Variants in DLG5 observed in about 807,000 individuals in gnomAD.
DLG5 encodes discs large MAGUK scaffold protein 5, also known as disks large homolog 5.
DLG5 carries 48 observed loss-of-function variants against 189.8 expected under a neutral mutation model. The ratio of observed to expected loss-of-function variants is 0.25; its 90% CI spans 0.20 to 0.32. DLG5 has a LOEUF of 0.32. Ranked by LOEUF, DLG5 falls within the 10% of genes least tolerant of loss-of-function variation. The pLI, the probability that DLG5 is intolerant of heterozygous loss-of-function variation, is 1.00. For synonymous variants in DLG5, 1,016 were observed against 1,054.1 expected, an observed-to-expected ratio of 0.96 and a Z score of 0.70; for missense variants, 2,160 against 2,544.7, an observed-to-expected ratio of 0.85 and a Z score of 3.25.
intron 1 of DLG5, among the ~76,000 whole-genome samples, chr10:77,893,065 G>T (rs142605313): frequency 1.3e-5 from 2 of 152,220 alleles, no homozygotes; most frequent in African/African-American, 4.8e-5. Flanking sequence ...TGGCATTGGC[G>T]TGCTAGCCAT....
intron 1 of DLG5, among the ~76,000 whole-genome samples, chr10:77,916,904 AAT>A (rs55841913): frequency 0.041 from 5,316 of 129,072 alleles, 524 homozygotes; most frequent in African/African-American, 0.15. Flanking sequence ...TAAAATATAG[AAT>A]ATATATATAT....
At position 77,791,343 on chromosome 10, in the gene DLG5, CAA is replaced by C. The variant is rs878924621; in HGVS notation, c.*1095_*1096del. On this transcript the variant is annotated 3_prime_UTR_variant, in exon 32 of 32. Transcript: ENST00000372391. Reference sequence around the variant, plus strand: ...CCAGACATATCTAGCCTCAGAAGTGCAAAAAAAAAAAAAGCCCCCAAACGAAG... The same window carrying C: ...CCAGACATATCTAGCCTCAGAAGTGCAAAAAAAAAAAGCCCCCAAACGAAG... The C allele has an allele frequency of 1.9e-4, 23 of 122,854 alleles. No homozygotes were observed. Among genetic ancestry groups the C allele is most frequent in the Non-Finnish European group, 1.8e-4 (10 of 56,990 alleles). The allele number at this position is 122,854 out of a possible 1,614,324, so 7.6% of individuals were successfully genotyped here. A position where few individuals can be genotyped will look rare whatever the true frequency, so the allele number is the denominator to read the frequency against.
At chr10:77,820,942 A>C (rs1469479860) in intron 15 of DLG5, 140 bp downstream of exon 15, 2 of 1,178,854 alleles carry the variant, frequency 1.7e-6, no homozygotes, top group Non-Finnish European at 2.3e-6. Flanking sequence ...GCCACTTCCC[A>C]CTTGAGTCCA....
rs374532116 is a variant in DLG5, at chr10:77,817,570, G to A, written c.3784+207C>T. ...TGACCATAAGGCCCCCACAGAAAGC[G>A]GAAGGCGAAAGCAATGGCTCTGACA... On this transcript the variant is annotated intron_variant, in intron 18 of 31. Coordinates refer to ENST00000372391, the MANE Select transcript of DLG5 (RefSeq NM_004747.4). Among the ~76,000 whole-genome samples, 157 of 152,350 alleles carry A rather than the reference G, an allele frequency of 1.0e-3. 1 individual carries two copies. The highest frequency in any genetic ancestry group is 3.3e-3 in the African/African-American group (136 of 41,586).
At chr10:77,838,819 C>G (rs1041716723) in intron 7 of DLG5, among the ~76,000 whole-genome samples, 1 of 152,226 alleles carries the variant, frequency 6.6e-6, no homozygotes, top group Non-Finnish European at 1.5e-5. Context: ...CTGCCCACCC[C>G]TCCTGGTCTG....
chr10:77,909,468 G>A (rs1055960625), intron 1 of DLG5, among the ~76,000 whole-genome samples: 3 of 151,864 alleles, frequency 2.0e-5, no homozygotes, highest in Admixed American at 2.0e-4. Flanking sequence ...ACAAGCCTGC[G>A]TGTTCTGCAC....
At chr10:77,826,406 G>A (rs1004561328) in intron 13 of DLG5, among the ~76,000 whole-genome samples, 4 of 151,926 alleles carry the variant, frequency 2.6e-5, no homozygotes, top group Admixed American at 1.3e-4. Flanking sequence ...AGGGCAGATC[G>A]TTTGAGGTCA....
At chr10:77,803,220 C>T (rs1841304883) in intron 27 of DLG5, among the ~76,000 whole-genome samples, 1 of 152,100 alleles carries the variant, frequency 6.6e-6, no homozygotes, top group African/African-American at 2.4e-5. Flanking sequence ...AGAAAACAAA[C>T]AGTAAGATGG....
Position 77,796,021 on chromosome 10 carries a change from A to G in DLG5, c.5436+40T>C. Reference sequence around the variant, plus strand: ...GCCTAGACCTGTGCACAGGAGGTCTAATACTGGATGCCTAATCCTCAGACT... The same window carrying G: ...GCCTAGACCTGTGCACAGGAGGTCTGATACTGGATGCCTAATCCTCAGACT... On this transcript the variant is annotated intron_variant, in intron 29 of 31. Transcript: ENST00000372391. This position sits in a 1 kb window ranked among gnomAD's most constrained non-coding sequence, Gnocchi z 5.2. The G allele has an allele frequency of 6.2e-7, 1 of 1,613,928 alleles. No individual in the cohort carries two copies. The highest frequency in any genetic ancestry group is 1.7e-4 in the Middle Eastern group (1 of 5,902).
rs1846679817 is a variant in DLG5, at chr10:77,926,046, C to T, written c.304+171G>A. 6.6e-6 allele frequency among the ~76,000 whole-genome samples: 1 copy of T among 152,070 alleles called. No individual in the cohort carries two copies. Among genetic ancestry groups the T allele is most frequent in the Non-Finnish European group, 1.5e-5 (1 of 67,982 alleles). Reference sequence around the variant, plus strand: ...CAGCGAACGGCGGGACTGGGGGAGGCGGCGGGACTTCGGGATCCGCGCACC... The same window carrying T: ...CAGCGAACGGCGGGACTGGGGGAGGTGGCGGGACTTCGGGATCCGCGCACC... On this transcript the variant is annotated intron_variant, in intron 1 of 31. Coordinates refer to ENST00000372391, the MANE Select transcript of DLG5 (RefSeq NM_004747.4). The surrounding 1 kb of genome is among the most constrained non-coding windows in gnomAD (Gnocchi z 5.2).
intron 9 of DLG5, 122 bp from the exon 10 acceptor site, chr10:77,830,995 G>A: frequency 1.6e-6 from 2 of 1,212,142 alleles, no homozygotes; most frequent in Non-Finnish European, 2.2e-6. Context: ...TTTCCCCCTT[G>A]TTTCCCAATA....
chr10:77,879,820 G>A (rs1444315272), intron 1 of DLG5, among the ~76,000 whole-genome samples: 1 of 151,666 alleles, frequency 6.6e-6, no homozygotes, highest in African/African-American at 2.4e-5. Context: ...GATGGGGGAG[G>A]GAGTTGGGGA....
Position 77,807,925 on chromosome 10 carries a change from C to T in DLG5, c.4667G>A (p.Arg1556Gln), listed in dbSNP as rs754760575. 2.2e-5 allele frequency: 35 copies of T among 1,614,078 alleles called. No individual in the cohort carries two copies. The highest frequency in any genetic ancestry group is 1.6e-4 in the Middle Eastern group (1 of 6,084). ...LILEYGSLDV[R>Q]NKTVEEVYVE... The stretch of plus-strand genomic sequence containing the variant: ...ATAGACTTCCTCCACTGTCTTGTTC[C>T]GCACGTCCAGGCTGCCATACTGCCA... Residue 1556 changes from arginine (R) to glutamine (Q), a missense_variant, in exon 25 of 32, where the codon CGG (arginine) becomes CAG (glutamine). By Grantham distance (43) the Arg-to-Gln change is conservative. Coordinates refer to ENST00000372391, the MANE Select transcript of DLG5 (RefSeq NM_004747.4).
At chr10:77,858,479 T>G (rs1464787394) in intron 2 of DLG5, among the ~76,000 whole-genome samples, 1 of 151,586 alleles carries the variant, frequency 6.6e-6, no homozygotes, top group African/African-American at 2.4e-5. Flanking sequence ...TAGCAAAAAA[T>G]ACCAAAAAAT....
the DLG5 span, among the ~76,000 whole-genome samples, chr10:77,933,373 G>A: frequency 6.6e-6 from 1 of 151,364 alleles, no homozygotes; most frequent in Non-Finnish European, 1.5e-5. Context: ...TGCAACCTCC[G>A]CCTCCTGGGT....
At position 77,805,682 on chromosome 10, in the gene DLG5, G is replaced by A. The variant is rs770028831; in HGVS notation, c.5147C>T (p.Ser1716Phe). 1.5e-5 allele frequency: 24 copies of A among 1,612,394 alleles called. No homozygotes were observed. The highest frequency in any genetic ancestry group is 2.5e-6 in the Non-Finnish European group (3 of 1,178,780). The part of the protein sequence containing the change: ...LLALDAFSSD[S>F]IPLFEDSVSL... ...CCACTTGCCTTCAAAGAGTGGAATG[G>A]AGTCACTGGAAAAGGCATCCAAGGC... The change falls in exon 27 of 32, where the codon TCC becomes TTC. Residue 1716 changes from serine to phenylalanine, a missense_variant. Coordinates refer to ENST00000372391, the MANE Select transcript of DLG5 (RefSeq NM_004747.4).
At chr10:77,824,794 G>A (rs995970061) in intron 13 of DLG5, 4 of 287,600 alleles carry the variant, frequency 1.4e-5, no homozygotes, top group South Asian at 1.0e-4. Context: ...CCTTGGCTCA[G>A]AACTTCCCAG....
At chr10:77,887,666 C>T (rs1278732978) in intron 1 of DLG5, among the ~76,000 whole-genome samples, 1 of 152,150 alleles carries the variant, frequency 6.6e-6, no homozygotes. Context: ...ATACAAGCTG[C>T]CCTTGCCAAT....
rs148350830 is a variant in DLG5, at chr10:77,908,229, A to T, written c.304+17988T>A. Among the ~76,000 whole-genome samples, 418 of 152,242 alleles carry T rather than the reference A, an allele frequency of 2.7e-3. 2 individuals are homozygous for T. Among genetic ancestry groups the T allele is most frequent in the Middle Eastern group, 0.01 (3 of 294 alleles). ...TCTATTTCCAAACATCCCCACTGTA[A>T]CTCTCAGAGTTGAAACTGGGGAGAA... On this transcript the variant is annotated intron_variant, in intron 1 of 31. Transcript: ENST00000372391.
Sources: gnomAD v4.1 joint callset for allele counts (sites outside exome capture counted in the v4.1 genomes callset) on GRCh38, gnomAD v4.1.1 for gene constraint, Gnocchi (gnomAD v3.1) non-coding constraint, MANE v1.5 for transcripts, NCBI Gene and HGNC (gene_info 2026-07-23, HGNC 2026-07-21) for gene names.